The following MANSC1 variants were observed in gnomAD, a reference collection of about 807,000 sequenced individuals.
MANSC1 encodes the protein MANSC domain containing 1, also known as MANSC domain-containing protein 1.
In MANSC1, 13 loss-of-function variants were observed where a neutral mutation model predicts 14.1. That is an observed-to-expected ratio of 0.92 (90% CI 0.60 to 1.46). The LOEUF (loss-of-function observed/expected upper bound fraction) is 1.46, where lower values mean the gene tolerates loss of function less well. Among genes scored for constraint, MANSC1 ranks in the 40% most tolerant of loss-of-function variants. The pLI is 0.00. For synonymous variants in MANSC1, 227 were observed against 200.7 expected, an observed-to-expected ratio of 1.13 and a Z score of -1.11; for missense variants, 486 against 511.4, an observed-to-expected ratio of 0.95 and a Z score of 0.48.
intron 1 of MANSC1, among the ~76,000 whole-genome samples, chr12:12,344,916 CATATATATATATATATATATATAT>C (rs536743365): frequency 0.074 from 2,473 of 33,586 alleles, 261 homozygotes; most frequent in African/African-American, 0.23. Context: ...AATAAACTCC[CATATATATATATATATATATATAT>C]ATATATATAT....
intron 3 of MANSC1, among the ~76,000 whole-genome samples, chr12:12,331,957 C>T (rs34020700): frequency 0.78 from 117,926 of 151,810 alleles, 47,126 homozygotes; most frequent in Middle Eastern, 0.9. Context: ...ACTGTAGACA[C>T]AGAGGGCAGA....
At chr12:12,338,160 C>A (rs1286558678) in intron 3 of MANSC1, among the ~76,000 whole-genome samples, 1 of 152,186 alleles carries the variant, frequency 6.6e-6, no homozygotes, top group Non-Finnish European at 1.5e-5. Flanking sequence ...TAAAGAGGTG[C>A]TTCAAAAACG....
At position 12,343,172 on chromosome 12, in the gene MANSC1, C is replaced by G; in HGVS notation, c.143G>C (p.Gly48Ala). 1.2e-6 allele frequency: 2 copies of G among 1,613,958 alleles called. No individual in the cohort carries two copies. The highest frequency in any genetic ancestry group is 8.5e-7 in the Non-Finnish European group (1 of 1,179,878). The change falls in exon 2 of 4, where the codon GGA becomes GCA. Residue 48 changes from glycine to alanine, a missense_variant. Gly to Ala is a moderately conservative substitution (Grantham distance 60). Transcript: ENST00000535902. ...VIDIQSSLSK[G>A]IRGNEPVYTS... Reference sequence around the variant, plus strand: ...ATATACGGGCTCATTGCCTCTGATTCCCTTAGAAAGAGATGACTGGATGTC... The same window carrying G: ...ATATACGGGCTCATTGCCTCTGATTGCCTTAGAAAGAGATGACTGGATGTC...
Position 12,330,190 on chromosome 12 carries a change from C to T in MANSC1, c.1133G>A (p.Gly378Asp), listed in dbSNP as rs1862763594. ...AAGAAGCCATTTTTCAAATGGAAGG[C>T]CGTACTGATTTTCTGGAACACTGCC... ...SQGSVPENQY[G>D]LPFEKWLLIG... Residue 378 changes from glycine (G) to aspartate (D), a missense_variant, in exon 4 of 4, where the codon GGC (glycine) becomes GAC (aspartate). By Grantham distance (94) the Gly-to-Asp change is moderately conservative (BLOSUM62 -1). Coordinates refer to ENST00000535902, the MANE Select transcript of MANSC1 (RefSeq NM_018050.4). 6.2e-7 allele frequency: 1 copy of T among 1,614,148 alleles called. No homozygotes were observed. Among genetic ancestry groups the T allele is most frequent in the Non-Finnish European group, 8.5e-7 (1 of 1,180,032 alleles).
Position 12,326,098 on chromosome 12 carries a change from G to C in MANSC1, c.*3929C>G, listed in dbSNP as rs1485570398. Reference sequence around the variant, plus strand: ...TTAGAGATTTATTATTACAGAACAAGATGGAAGTTGGCAGTTCCAGGGTTT... The same window carrying C: ...TTAGAGATTTATTATTACAGAACAACATGGAAGTTGGCAGTTCCAGGGTTT... On this transcript the variant is annotated 3_prime_UTR_variant, in exon 4 of 4. Coordinates refer to ENST00000535902, the MANE Select transcript of MANSC1 (RefSeq NM_018050.4). 1 of 152,150 alleles carries C rather than the reference G, an allele frequency of 6.6e-6. No individual in the cohort carries two copies. The highest frequency in any genetic ancestry group is 1.5e-5 in the Non-Finnish European group (1 of 68,036). The allele number at this position is 152,150 out of a possible 1,614,324, so 9.4% of individuals were successfully genotyped here.
In MANSC1 at chr12:12,345,820, T is replaced by C. The variant is rs147105130; in HGVS notation, c.-100-2406A>G. Among the ~76,000 whole-genome samples, 407 of 152,302 alleles carry C rather than the reference T, an allele frequency of 2.7e-3. 2 individuals are homozygous for C. The highest frequency in any genetic ancestry group is 9.2e-3 in the African/African-American group (382 of 41,576). On this transcript the variant is annotated intron_variant, in intron 1 of 3. Transcript: ENST00000535902. ...ATATTTAAAAATGCATAAAATGGAA[T>C]ATGTAGGATTCCAAAGGAAGCCAGT...
chr12:12,338,446 C>T lies in MANSC1; in HGVS notation c.338G>A (p.Gly113Glu). Residue 113 changes from glycine (G) to glutamate (E), a missense_variant, in exon 3 of 4, where the codon GGA becomes GAA. Physicochemically the swap from Gly to Glu is moderately conservative, Grantham distance 98 (BLOSUM62 -2). Transcript: ENST00000535902. ...TGTAATTATCCTGTAACTCATAAGT[C>T]CTTTTGCTGGTTTCAATGGACAGGC... Reference protein sequence around the residue: ...EEACPLKPAKGLMSYRIITDF... With the variant: ...EEACPLKPAKELMSYRIITDF... 6.2e-7 allele frequency: 1 copy of T among 1,607,424 alleles called. No homozygotes were observed. Among genetic ancestry groups the T allele is most frequent in the Non-Finnish European group, 8.5e-7 (1 of 1,178,436 alleles).
At chr12:12,343,668 G>A (rs1003617636) in intron 1 of MANSC1, among the ~76,000 whole-genome samples, 1 of 152,204 alleles carries the variant, frequency 6.6e-6, no homozygotes, top group Non-Finnish European at 1.5e-5. Context: ...GAAGGAACAG[G>A]TATAAACAGT....
chr12:12,330,290 T>G lies in MANSC1; in HGVS notation c.1033A>C (p.Asn345His). Residue 345 changes from asparagine to histidine, a missense_variant, in exon 4 of 4, where the codon AAT becomes CAT. Asn to His is a moderately conservative substitution (Grantham distance 68). Coordinates refer to ENST00000535902, the MANE Select transcript of MANSC1 (RefSeq NM_018050.4). ...TTATTCATAGTGGAAGACTCCACAT[T>G]TGACATAGAAAGTGCAGTAGGGTTA... ...VYNPTALSMSNVESSTMNKTA... is the reference protein window; with the variant it reads ...VYNPTALSMSHVESSTMNKTA... The G allele has an allele frequency of 6.2e-7, 1 of 1,614,248 alleles. No individual in the cohort carries two copies.
At chr12:12,341,823 T>G (rs752294107) in intron 2 of MANSC1, among the ~76,000 whole-genome samples, 2 of 152,228 alleles carry the variant, frequency 1.3e-5, no homozygotes, top group Non-Finnish European at 2.9e-5. Context: ...AAACCACGTC[T>G]CTATTGAAAA....
At position 12,326,555 on chromosome 12, in the gene MANSC1, C is replaced by T. The variant is rs536128258; in HGVS notation, c.*3472G>A. 4 of 151,890 alleles carry T rather than the reference C, an allele frequency of 2.6e-5. No homozygotes were observed. The highest frequency in any genetic ancestry group is 2.6e-4 in the Admixed American group (4 of 15,248). 9.4% of individuals were successfully genotyped at this position (151,890 alleles called of 1,614,324 possible). ...GCCAGGGGTAATTGAGAAACAGGCA[C>T]ATAACAGTATTCATCCAGGAGTCCT... On this transcript the variant is annotated 3_prime_UTR_variant, in exon 4 of 4. Transcript: ENST00000535902.
chr12:12,330,221 A>C lies in MANSC1; in HGVS notation c.1102T>G (p.Ser368Ala). 6.2e-7 allele frequency: 1 copy of C among 1,614,200 alleles called. No individual in the cohort carries two copies. Among genetic ancestry groups the C allele is most frequent in the Non-Finnish European group, 8.5e-7 (1 of 1,180,028 alleles). ...TGATTTTCTGGAACACTGCCCTGGG[A>C]GGAACTGCCTGGACTGGCCTCCCTA... The part of the protein sequence containing the change: ...EGREASPGSS[S>A]QGSVPENQYG... The change falls in exon 4 of 4, where the codon TCC becomes GCC. Residue 368 changes from serine to alanine, a missense_variant. Coordinates refer to ENST00000535902, the MANE Select transcript of MANSC1 (RefSeq NM_018050.4).
chr12:12,343,436 A>T, intron 1 of MANSC1, 22 bp from the exon 2 acceptor site: 1 of 626,978 alleles, frequency 1.6e-6, no homozygotes, highest in South Asian at 2.0e-5. Flanking sequence ...ATGGAAAATC[A>T]TCAATGAGTT....
intron 1 of MANSC1, among the ~76,000 whole-genome samples, chr12:12,345,191 G>A (rs1282136955): frequency 1.3e-5 from 2 of 149,820 alleles, no homozygotes; most frequent in Non-Finnish European, 3.0e-5. Context: ...GTGATGGCGG[G>A]CAGCTGTAAT....
intron 1 of MANSC1, among the ~76,000 whole-genome samples, chr12:12,345,037 C>A (rs1197187398): frequency 7.2e-6 from 1 of 138,670 alleles, no homozygotes; most frequent in South Asian, 2.4e-4. Flanking sequence ...TATTATTGGC[C>A]GGGTGCGGTG....
chr12:12,338,508 T>C lies in MANSC1; in HGVS notation c.276A>G (p.Gln92=). ...MIFDTRKTAR[Q]PNCYLFFCPN... ...GACAGAAAAATAGGTAGCAGTTGGG[T>C]TGTCTAGCTGTTTTTCGAGTGTCGA... The change falls in exon 3 of 4, where the codon CAA becomes CAG. Residue 92 remains glutamine (Q), a synonymous_variant. Coordinates refer to ENST00000535902, the MANE Select transcript of MANSC1 (RefSeq NM_018050.4). The C allele has an allele frequency of 6.2e-7, 1 of 1,613,734 alleles. No individual in the cohort carries two copies. The highest frequency in any genetic ancestry group is 8.5e-7 in the Non-Finnish European group (1 of 1,179,888).
At chr12:12,342,997 C>T (rs958063200) in intron 2 of MANSC1, 95 bp downstream of exon 2, 75 of 856,278 alleles carry the variant, frequency 8.8e-5, no homozygotes, top group Non-Finnish European at 1.3e-4. Flanking sequence ...CATACCCTGT[C>T]GAGAATCACT....
intron 3 of MANSC1, among the ~76,000 whole-genome samples, chr12:12,337,373 C>T (rs1057237766): frequency 9.2e-5 from 14 of 151,922 alleles, no homozygotes; most frequent in African/African-American, 1.9e-4. Flanking sequence ...CTGGCTAACA[C>T]GGTGAAACCC....
intron 3 of MANSC1, among the ~76,000 whole-genome samples, chr12:12,332,570 G>C (rs1862804020): frequency 6.6e-6 from 1 of 152,174 alleles, no homozygotes; most frequent in Non-Finnish European, 1.5e-5. Context: ...GCCCAGGCTG[G>C]AGTGCAGTGG....
Sources: allele counts gnomAD v4.1 joint callset (sites outside exome capture counted in the v4.1 genomes callset), GRCh38; gene constraint gnomAD v4.1.1; transcripts MANE v1.5; gene names NCBI Gene and HGNC (gene_info 2026-07-23, HGNC 2026-07-21).